The following PTPRN2 variants were observed in gnomAD, a reference collection of about 807,000 sequenced individuals.
PTPRN2 encodes receptor-type tyrosine-protein phosphatase N2.
PTPRN2 carries 74 observed loss-of-function variants against 118.8 expected under a neutral mutation model. That is an observed-to-expected ratio of 0.62 (90% confidence interval 0.52 to 0.76). The LOEUF is 0.76. Ranked by LOEUF, PTPRN2 falls within the 30% of genes least tolerant of loss-of-function variation. The probability of loss-of-function intolerance (pLI) is 0.00; values close to 1 mark genes in which losing one functional copy is unlikely to be tolerated. For missense variants in PTPRN2, 1,481 were observed against 1,394.4 expected, an observed-to-expected ratio of 1.06 and a Z score of -0.99; for synonymous variants, 641 against 608.0, an observed-to-expected ratio of 1.05 and a Z score of -0.80.
At chr7:157,789,992 G>A (rs1804347311) in intron 12 of PTPRN2, among the ~76,000 whole-genome samples, 1 of 129,252 alleles carries the variant, frequency 7.7e-6, no homozygotes, top group Admixed American at 8.0e-5. Flanking sequence ...TGTGTGGTGG[G>A]GGTGTGTGTG....
intron 11 of PTPRN2, among the ~76,000 whole-genome samples, chr7:158,044,045 ATGGACTACATCC>A (rs1281975101): frequency 1.3e-5 from 2 of 152,228 alleles, no homozygotes; most frequent in African/African-American, 4.8e-5. Flanking sequence ...TCTTATGCTT[ATGGACTACATCC>A]TGCCACACAT....
At chr7:157,602,089 G>T (rs1238767985) in intron 16 of PTPRN2, among the ~76,000 whole-genome samples, 3 of 152,238 alleles carry the variant, frequency 2.0e-5, no homozygotes, top group Non-Finnish European at 4.4e-5. Context: ...AGATGAATGA[G>T]GATCTTTGAA....
intron 4 of PTPRN2, among the ~76,000 whole-genome samples, chr7:158,202,827 T>C (rs755072853): frequency 6.6e-6 from 1 of 152,104 alleles, no homozygotes; most frequent in Non-Finnish European, 1.5e-5. Context: ...ATATAATATG[T>C]GAAAAGTTAC....
At chr7:158,132,208 C>T (rs576383255) in intron 9 of PTPRN2, among the ~76,000 whole-genome samples, 37 of 149,554 alleles carry the variant, frequency 2.5e-4, no homozygotes, top group African/African-American at 6.9e-4. Context: ...ATACACACAA[C>T]GAAATACCCG....
At chr7:157,925,748 G>A (rs1386311953) in intron 11 of PTPRN2, among the ~76,000 whole-genome samples, 2 of 151,156 alleles carry the variant, frequency 1.3e-5, no homozygotes, top group Non-Finnish European at 2.9e-5. Flanking sequence ...AGAGCTGTGG[G>A]TCAGGGTCAG....
chr7:158,332,012 A>T (rs1195754333), intron 2 of PTPRN2, among the ~76,000 whole-genome samples: 4 of 151,132 alleles, frequency 2.6e-5, no homozygotes, highest in Admixed American at 6.6e-5. Flanking sequence ...AAGAGCTGAC[A>T]ACCGCAAACG....
chr7:157,693,499 C>T (rs931939396), intron 12 of PTPRN2, among the ~76,000 whole-genome samples: 1 of 152,126 alleles, frequency 6.6e-6, no homozygotes, highest in Non-Finnish European at 1.5e-5. Flanking sequence ...CTCGCTGCCC[C>T]GACCCTCCCG....
chr7:157,923,984 T>A (rs1244885155), intron 11 of PTPRN2, among the ~76,000 whole-genome samples: 1 of 152,184 alleles, frequency 6.6e-6, no homozygotes, highest in African/African-American at 2.4e-5. Flanking sequence ...ATCTCAGCAC[T>A]GTGTTCCATT....
At chr7:158,321,712 A>T (rs1803029727) in intron 2 of PTPRN2, among the ~76,000 whole-genome samples, 1 of 152,234 alleles carries the variant, frequency 6.6e-6, no homozygotes, top group Admixed American at 6.5e-5. Context: ...AGATGAGAAC[A>T]GGTTTGCCTA....
At chr7:157,789,718 GGTGT>G (rs376310317) in intron 12 of PTPRN2, among the ~76,000 whole-genome samples, 1,934 of 150,490 alleles carry the variant, frequency 0.013, 33 homozygotes, top group African/African-American at 0.044. Context: ...TGTGTGGTAT[GGTGT>G]GTGTGTCTGT....
intron 11 of PTPRN2, among the ~76,000 whole-genome samples, chr7:157,948,848 C>T (rs1237529567): frequency 1.3e-5 from 2 of 152,072 alleles, no homozygotes; most frequent in Admixed American, 1.3e-4. Context: ...TCCGGTTGGC[C>T]TTAAAACAAG....
chr7:158,262,574 C>T, intron 3 of PTPRN2, among the ~76,000 whole-genome samples: 1 of 144,516 alleles, frequency 6.9e-6, no homozygotes, highest in South Asian at 2.2e-4. Flanking sequence ...CACACATTCA[C>T]ACACAGCACA....
In PTPRN2 at chr7:157,673,982, C is replaced by T. The variant is rs971918692; in HGVS notation, c.2001+8743G>A. ...GAATATGGGATTCTACCCTTAGAAG[C>T]GATAAGCTTTCTGAGAAAACGCCTT... On this transcript the variant is annotated intron_variant, in intron 13 of 22. Coordinates refer to ENST00000389418, the MANE Select transcript of PTPRN2 (RefSeq NM_002847.5). Among the ~76,000 whole-genome samples, 7 of 152,162 alleles carry T rather than the reference C, an allele frequency of 4.6e-5. No individual in the cohort carries two copies. The East Asian group carries it at 9.7e-4, about 21-fold the overall frequency.
intron 3 of PTPRN2, among the ~76,000 whole-genome samples, chr7:158,276,535 TGTAAG>T (rs1799013100): frequency 6.7e-6 from 1 of 150,314 alleles, no homozygotes; most frequent in African/African-American, 2.5e-5. Context: ...CCCGACAGGC[TGTAAG>T]GCAGCACCCC....
In PTPRN2 at chr7:158,145,159, C is replaced by T. The variant is rs547263504; in HGVS notation, c.911-6644G>A. Among the ~76,000 whole-genome samples, 4 of 151,990 alleles carry T rather than the reference C, an allele frequency of 2.6e-5. No individual in the cohort carries two copies. The East Asian group carries it at 7.8e-4, about 30-fold the overall frequency. On this transcript the variant is annotated intron_variant, in intron 6 of 22. Coordinates refer to ENST00000389418, the MANE Select transcript of PTPRN2 (RefSeq NM_002847.5). Reference sequence around the variant, plus strand: ...AGAATACCACGGCTCGGCAAGACTTCCCTCACATCATCGTGAGAAGGTTCC... The same window carrying T: ...AGAATACCACGGCTCGGCAAGACTTTCCTCACATCATCGTGAGAAGGTTCC...
At chr7:158,324,911 G>A (rs184748498) in intron 2 of PTPRN2, among the ~76,000 whole-genome samples, 16 of 152,278 alleles carry the variant, frequency 1.1e-4, no homozygotes, top group Non-Finnish European at 2.1e-4. Flanking sequence ...ACGACATCCC[G>A]AGTGACACGT....
intron 12 of PTPRN2, among the ~76,000 whole-genome samples, chr7:157,734,257 TCCCA>T (rs1563053209): frequency 1.0e-3 from 76 of 72,558 alleles, no homozygotes; most frequent in Non-Finnish European, 2.3e-3. Flanking sequence ...CACTCTTCCG[TCCCA>T]TGTGCCCAGT....
intron 11 of PTPRN2, among the ~76,000 whole-genome samples, chr7:157,902,736 C>G (rs189124487): frequency 6.6e-6 from 1 of 152,270 alleles, no homozygotes; most frequent in Non-Finnish European, 1.5e-5. Context: ...GGCTGATAAA[C>G]GAGTCTGAGA....
Position 158,314,910 on chromosome 7 carries a change from CGGG to C in PTPRN2, c.277+1906_277+1908del, listed in dbSNP as rs1563124242. ...ACCCCCTTAAGGACAGAGGTGAACC[CGGG>C]ACGCCCTCAAGGACAGAGGTGAACC... On this transcript the variant is annotated intron_variant, in intron 3 of 22. Transcript: ENST00000389418. 6.0e-5 allele frequency among the ~76,000 whole-genome samples: 9 copies of C among 149,912 alleles called. No individual in the cohort carries two copies. The East Asian group carries it at 7.8e-4, about 13-fold the overall frequency.
Sources: gnomAD v4.1 joint callset for allele counts (sites outside exome capture counted in the v4.1 genomes callset) on GRCh38, gnomAD v4.1.1 for gene constraint, MANE v1.5 for transcripts, NCBI Gene and HGNC (gene_info 2026-07-23, HGNC 2026-07-21) for gene names.